GOSR1: variants seen among roughly 807,000 people sequenced by gnomAD.
GOSR1 encodes golgi SNAP receptor complex member 1.
Under a neutral mutation model 35.5 loss-of-function variants are expected in GOSR1, and 21 were observed. The observed-to-expected ratio is 0.59, with a 90% CI of 0.42 to 0.85. The LOEUF is 0.85. Ranked by LOEUF, GOSR1 falls within the 40% of genes least tolerant of loss-of-function variation. GOSR1 has a pLI of 0.00. For missense variants in GOSR1, 285 were observed against 309.6 expected (o/e 0.92, Z 0.60); for synonymous variants, 94 against 106.6 (o/e 0.88, Z 0.73).
Position 30,525,597 on chromosome 17 carries a change from T to C in GOSR1, c.*3219T>C, listed in dbSNP as rs1968169875. On this transcript the variant is annotated 3_prime_UTR_variant, in exon 9 of 9. Coordinates refer to ENST00000451249, the MANE Select transcript of GOSR1 (RefSeq NM_001007025.2). ...CTATGTAGTTGGCATTTATAAAATC[T>C]GAAGTATCATAAATAAAGTTATTTA... is the stretch of plus-strand genomic sequence containing the variant. 1 of 152,230 alleles carries C rather than the reference T, an allele frequency of 6.6e-6. No homozygotes were observed. Among genetic ancestry groups the C allele is most frequent in the African/African-American group, 2.4e-5 (1 of 41,462 alleles). The allele number at this position is 152,230 out of a possible 1,614,324, so 9.4% of individuals were successfully genotyped here.
In GOSR1 at chr17:30,491,657, TA is replaced by T. The variant is rs1004245817; in HGVS notation, c.435-1011del. On this transcript the variant is annotated intron_variant, in intron 5 of 8. Transcript: ENST00000451249. The stretch of plus-strand genomic sequence containing the variant: ...CTGGGTGACAGAGCAAGACTCTGTC[TA>T]AAAAAAAAAAGAAAGGAAAAGACCA... 6.7e-3 allele frequency among the ~76,000 whole-genome samples: 966 copies of T among 144,324 alleles called. 11 individuals carry two copies. The highest frequency in any genetic ancestry group is 0.022 in the African/African-American group (874 of 39,564). The allele number at this position is 144,324 out of a possible 152,430, so 94.7% of individuals were successfully genotyped here.
Position 30,492,772 on chromosome 17 carries a change from T to C in GOSR1, c.509+19T>C. 3 of 1,406,060 alleles carry C rather than the reference T, an allele frequency of 2.1e-6. No homozygotes were observed. Among genetic ancestry groups the C allele is most frequent in the Non-Finnish European group, 3.0e-6 (3 of 991,634 alleles). The allele number at this position is 1,406,060 out of a possible 1,614,324, so 87.1% of individuals were successfully genotyped here. On this transcript the variant is annotated intron_variant, in intron 6 of 8. Transcript: ENST00000451249. Reference sequence around the variant, plus strand: ...TTCGAAAGTAGGTATTGAATGTATGTGCATTATGTGGTTTTCCACGTTTAT... The same window carrying C: ...TTCGAAAGTAGGTATTGAATGTATGCGCATTATGTGGTTTTCCACGTTTAT...
chr17:30,520,961 A>G (rs141162234), intron 8 of GOSR1, among the ~76,000 whole-genome samples: 3 of 151,442 alleles, frequency 2.0e-5, no homozygotes, highest in African/African-American at 4.9e-5. Flanking sequence ...TATGAACTCA[A>G]TTGCCAGCCA....
In GOSR1 at chr17:30,522,266, C is replaced by A; in HGVS notation, c.635C>A (p.Ala212Asp). Residue 212 changes from alanine (A) to aspartate (D), a missense_variant, in exon 9 of 9, where the codon GCT becomes GAT. By Grantham distance (126) the Ala-to-Asp change is moderately radical (BLOSUM62 -2). Around this residue, in one of 3 missense-constraint regions of GOSR1, gnomAD observed 168 missense variants for 183.2 expected, o/e 0.92. Coordinates refer to ENST00000451249, the MANE Select transcript of GOSR1 (RefSeq NM_001007025.2). ...AGATTTCCCAAAGATCGTTTTCCTGCTGTAAACAGCCTGATCCAGAGGATC... is the reference window on the plus strand; with the variant it reads ...AGATTTCCCAAAGATCGTTTTCCTGATGTAAACAGCCTGATCCAGAGGATC... Reference protein sequence around the residue: ...KMNTLANRFPAVNSLIQRINL... With the variant: ...KMNTLANRFPDVNSLIQRINL... 6.2e-7 allele frequency: 1 copy of A among 1,603,654 alleles called. No homozygotes were observed. The highest frequency in any genetic ancestry group is 8.5e-7 in the Non-Finnish European group (1 of 1,175,874).
At chr17:30,506,279 T>C (rs1967399823) in intron 6 of GOSR1, among the ~76,000 whole-genome samples, 1 of 152,210 alleles carries the variant, frequency 6.6e-6, no homozygotes, top group African/African-American at 2.4e-5. Context: ...CTTGTGCCCG[T>C]TAGCCAAGTT....
rs2143969015 is a variant in GOSR1, at chr17:30,524,268, G to A, written c.*1890G>A. Reference sequence around the variant, plus strand: ...TGTCCTCTTATTTTACACTCATAATGAGAAATCACAAGTTCTTTCTTGATG... The same window carrying A: ...TGTCCTCTTATTTTACACTCATAATAAGAAATCACAAGTTCTTTCTTGATG... On this transcript the variant is annotated 3_prime_UTR_variant, in exon 9 of 9. Transcript: ENST00000451249. The A allele has an allele frequency of 6.6e-6, 1 of 152,088 alleles. No individual in the cohort carries two copies. The highest frequency in any genetic ancestry group is 2.4e-5 in the African/African-American group (1 of 41,442). 9.4% of individuals were successfully genotyped at this position (152,088 alleles called of 1,614,324 possible).
chr17:30,510,701 G>A (rs940689114), intron 6 of GOSR1, 179 bp from the exon 7 acceptor site: 7 of 456,948 alleles, frequency 1.5e-5, no homozygotes, highest in Middle Eastern at 6.1e-4. Context: ...GTGACAGAGC[G>A]AGACTCTGTC....
rs1372336331 is a variant in GOSR1, at chr17:30,526,745, AT to A, written c.*4368del. 6.6e-6 allele frequency: 1 copy of A among 152,644 alleles called. No homozygotes were observed. The allele number at this position is 152,644 out of a possible 1,614,324, so 9.5% of individuals were successfully genotyped here. ...GTACTTAATTTTTGTTCTCATCTAA[AT>A]GTGCATTTTCTGACTGTATAGAAGA... On this transcript the variant is annotated 3_prime_UTR_variant, in exon 9 of 9. Transcript: ENST00000451249.
chr17:30,509,498 C>G (rs1967537528), intron 6 of GOSR1, among the ~76,000 whole-genome samples: 1 of 152,220 alleles, frequency 6.6e-6, no homozygotes, highest in Non-Finnish European at 1.5e-5. Context: ...GAAACCTTGA[C>G]TTCGTAGCAT....
At chr17:30,482,273 G>T (rs1444689738) in intron 2 of GOSR1, among the ~76,000 whole-genome samples, 1 of 151,586 alleles carries the variant, frequency 6.6e-6, no homozygotes, top group Non-Finnish European at 1.5e-5. Context: ...TTTAACTCTG[G>T]TATATTCATT....
At chr17:30,488,461 G>A (rs1597765540) in intron 4 of GOSR1, among the ~76,000 whole-genome samples, 1 of 151,332 alleles carries the variant, frequency 6.6e-6, no homozygotes, top group East Asian at 1.9e-4. Flanking sequence ...ACTGCGCCCA[G>A]CCTAAATATA....
At chr17:30,488,279 C>G (rs1013072245) in intron 4 of GOSR1, among the ~76,000 whole-genome samples, 2 of 151,248 alleles carry the variant, frequency 1.3e-5, no homozygotes, top group African/African-American at 4.9e-5. Context: ...ATTCTCCTGC[C>G]TCAGCCTCCC....
chr17:30,495,019 C>T (rs1486611117), intron 6 of GOSR1, among the ~76,000 whole-genome samples: 3 of 150,614 alleles, frequency 2.0e-5, no homozygotes, highest in African/African-American at 7.3e-5. Context: ...GAAAACCCAT[C>T]TCTACTAAAA....
intron 6 of GOSR1, among the ~76,000 whole-genome samples, chr17:30,493,569 A>G (rs1341375665): frequency 6.6e-6 from 1 of 152,154 alleles, no homozygotes; most frequent in Admixed American, 6.5e-5. Context: ...GTGTTTTTGT[A>G]TTTCATTTGC....
At chr17:30,488,025 C>T (rs551164125) in intron 4 of GOSR1, among the ~76,000 whole-genome samples, 3 of 151,690 alleles carry the variant, frequency 2.0e-5, no homozygotes, top group Non-Finnish European at 4.4e-5. Flanking sequence ...CCACCCACCT[C>T]GGCCTCCCAA....
chr17:30,520,827 C>T (rs1254478477), intron 8 of GOSR1, among the ~76,000 whole-genome samples: 3 of 152,220 alleles, frequency 2.0e-5, no homozygotes. Flanking sequence ...ATTCTCCAGT[C>T]CACTGTGAAT....
chr17:30,477,803 G>C, intron 1 of GOSR1: 1 of 985,360 alleles, frequency 1.0e-6, no homozygotes, highest in South Asian at 4.7e-5. Flanking sequence ...CGAACTCTGA[G>C]AGGAAACGAA....
intron 6 of GOSR1, among the ~76,000 whole-genome samples, chr17:30,505,558 T>A (rs1423173685): frequency 6.6e-6 from 1 of 152,250 alleles, no homozygotes; most frequent in Non-Finnish European, 1.5e-5. Flanking sequence ...TCTAACAGCA[T>A]ATGCTCACTT....
intron 2 of GOSR1, 96 bp downstream of exon 2, chr17:30,481,353 A>AT (rs1261476717): frequency 3.6e-6 from 3 of 828,872 alleles, no homozygotes; most frequent in Non-Finnish European, 5.6e-6. Flanking sequence ...AAGTTGGTCT[A>AT]TTGGTGAATT....
Sources: allele counts gnomAD v4.1 joint callset (sites outside exome capture counted in the v4.1 genomes callset), GRCh38; gene constraint gnomAD v4.1.1; regional missense constraint gnomAD v4.1.1; transcripts MANE v1.5; gene names NCBI Gene and HGNC (gene_info 2026-07-23, HGNC 2026-07-21).